ZAN: variants seen among roughly 807,000 people sequenced by gnomAD.
The protein encoded by ZAN is zonadhesin.
In ZAN, 260 loss-of-function variants were observed where a neutral mutation model predicts 286.2. The ratio of observed to expected loss-of-function variants is 0.91; its 90% CI spans 0.82 to 1.01. ZAN has a LOEUF of 1.01. Among genes scored for constraint, ZAN ranks in the 50% least tolerant of loss-of-function variants. ZAN has a pLI of 0.00. For missense variants in ZAN, 3,410 were observed against 3,639.2 expected (o/e 0.94, Z 1.62); for synonymous variants, 1,368 against 1,417.5 (o/e 0.97, Z 0.79).
At position 100,773,334 on chromosome 7, in the gene ZAN, C is replaced by A; in HGVS notation, c.5475C>A (p.Cys1825Ter). ...GCTACAGCCCCTGCAGCAGCCCCTGCCCAGACACCTGCAGCAGCATAAACA... is the reference window on the plus strand; with the variant it reads ...GCTACAGCCCCTGCAGCAGCCCCTGACCAGACACCTGCAGCAGCATAAACA... Reference protein sequence around the residue: ...GSSYSPCSSPCPDTCSSINNP... With the variant: ...GSSYSPCSSP Residue 1825 changes from cysteine to a stop codon, truncating the protein, a stop_gained, in exon 30 of 48, where the codon TGC becomes TGA. Coordinates refer to ENST00000613979, the MANE Select transcript of ZAN (RefSeq NM_003386.3). LOFTEE classifies it high-confidence loss of function. 1 of 1,613,994 alleles carries A rather than the reference C, an allele frequency of 6.2e-7. No homozygotes were observed. The highest frequency in any genetic ancestry group is 8.5e-7 in the Non-Finnish European group (1 of 1,179,908).
At chr7:100,748,522 G>C in intron 11 of ZAN, 52 bp downstream of exon 11, 1 of 1,563,058 alleles carries the variant, frequency 6.4e-7, no homozygotes, top group South Asian at 1.2e-5. Context: ...TCTGCTCCCA[G>C]GTAGCAGGCT....
chr7:100,761,600 C>T (rs1809584307), intron 19 of ZAN, among the ~76,000 whole-genome samples: 1 of 152,002 alleles, frequency 6.6e-6, no homozygotes, highest in African/African-American at 2.4e-5. Context: ...CACCACTGTG[C>T]TCCAGCCTGA....
chr7:100,744,818 T>C (rs1349905014), intron 7 of ZAN, among the ~76,000 whole-genome samples: 1 of 151,152 alleles, frequency 6.6e-6, no homozygotes, highest in East Asian at 1.9e-4. Context: ...TCTTCACCTT[T>C]CACTTCTTTT....
At chr7:100,733,924 TTCTC>T in intron 1 of ZAN, 99 bp from the exon 2 acceptor site, 1 of 348,608 alleles carries the variant, frequency 2.9e-6, no homozygotes, top group South Asian at 4.2e-5. Context: ...TTTTGTTTCT[TTCTC>T]TTTTTTTTTC....
intron 24 of ZAN, 44 bp downstream of exon 24, chr7:100,766,710 A>G (rs1395090608): frequency 2.6e-6 from 4 of 1,541,684 alleles, no homozygotes; most frequent in Non-Finnish European, 3.5e-6. Context: ...TGCCCAGGCA[A>G]CACCAGGCAA....
intron 3 of ZAN, among the ~76,000 whole-genome samples, chr7:100,736,034 G>T (rs74895811): frequency 0.042 from 5,869 of 141,128 alleles, 1,011 homozygotes; most frequent in African/African-American, 0.084. Flanking sequence ...TCTCTGCTCT[G>T]GGCCGGGTGC....
intron 45 of ZAN, among the ~76,000 whole-genome samples, chr7:100,797,132 T>C (rs115339594): frequency 0.023 from 3,428 of 152,072 alleles, 123 homozygotes; most frequent in African/African-American, 0.076. Flanking sequence ...AGAGCCAGAC[T>C]CTGTCTAAAA....
At chr7:100,744,009 G>A (rs751253798) in intron 7 of ZAN, among the ~76,000 whole-genome samples, 4 of 150,816 alleles carry the variant, frequency 2.7e-5, no homozygotes, top group Middle Eastern at 3.5e-3. Flanking sequence ...GAGCTGCCAC[G>A]CCCAGCCTAT....
chr7:100,795,178 C>A lies in ZAN; in HGVS notation c.8126-18C>A. Reference sequence around the variant, plus strand: ...TCCTCCCAGGGCCCCCCTCCCACAACCCTCTCTGTCCTTGCAGAAAGCCCG... The same window carrying A: ...TCCTCCCAGGGCCCCCCTCCCACAAACCTCTCTGTCCTTGCAGAAAGCCCG... On this transcript the variant is annotated intron_variant, in intron 44 of 47. Coordinates refer to ENST00000613979, the MANE Select transcript of ZAN (RefSeq NM_003386.3). The A allele has an allele frequency of 1.2e-6, 2 of 1,603,254 alleles. No homozygotes were observed. The highest frequency in any genetic ancestry group is 1.7e-6 in the Non-Finnish European group (2 of 1,174,958).
In ZAN at chr7:100,767,947, C is replaced by T. The variant is rs750271205; in HGVS notation, c.4977C>T (p.Asp1659=). The change falls in exon 26 of 48, where the codon GAC becomes GAT. Residue 1659 remains aspartate (D), a synonymous_variant. Transcript: ENST00000613979. ...ACTTTGGGCTCCAAGTTCGCTACGA[C>T]GGGAGCCACTTGGTGGAAGTGACAG... ...YTNFGLQVRY[D]GSHLVEVTVP... The T allele has an allele frequency of 3.3e-5, 53 of 1,613,794 alleles. No homozygotes were observed. Among genetic ancestry groups the T allele is most frequent in the Non-Finnish European group, 3.8e-5 (45 of 1,179,886 alleles).
Position 100,773,509 on chromosome 7 carries a change from G to A in ZAN, c.5634+16G>A. The A allele has an allele frequency of 6.2e-7, 1 of 1,612,050 alleles. No individual in the cohort carries two copies. The highest frequency in any genetic ancestry group is 8.5e-7 in the Non-Finnish European group (1 of 1,179,248). ...CTACCACCCGGTGAGAGGCCAGCTA[G>A]GAGGGGCCCCGCCCTTTCCAGGCCC... On this transcript the variant is annotated intron_variant, in intron 30 of 47. Coordinates refer to ENST00000613979, the MANE Select transcript of ZAN (RefSeq NM_003386.3).
intron 15 of ZAN, among the ~76,000 whole-genome samples, chr7:100,755,757 A>C (rs1809103047): frequency 6.6e-6 from 1 of 152,034 alleles, no homozygotes; most frequent in African/African-American, 2.4e-5. Context: ...TTTTTGGTAG[A>C]GACAGGGTTT....
intron 40 of ZAN, among the ~76,000 whole-genome samples, chr7:100,791,617 T>G (rs912207508): frequency 2.6e-5 from 4 of 152,058 alleles, no homozygotes; most frequent in Non-Finnish European, 4.4e-5. Context: ...ATGTTGGCCA[T>G]ACTGGTCTCG....
intron 41 of ZAN, 35 bp downstream of exon 41, chr7:100,792,183 C>T (rs781675471): frequency 7.0e-6 from 11 of 1,560,934 alleles, no homozygotes; most frequent in Non-Finnish European, 9.5e-6. Context: ...GGGAATGGCC[C>T]AGGTGCCTGC....
chr7:100,788,842 G>A (rs1434973210), intron 38 of ZAN, among the ~76,000 whole-genome samples: 1 of 152,116 alleles, frequency 6.6e-6, no homozygotes, highest in Non-Finnish European at 1.5e-5. Context: ...GGGACTACAG[G>A]TGTGCACCAC....
chr7:100,747,473 C>T (rs1490154188), intron 8 of ZAN, 77 bp from the exon 9 acceptor site: 5 of 1,224,316 alleles, frequency 4.1e-6, no homozygotes, highest in Admixed American at 1.7e-5. Context: ...CTCTGCTCCT[C>T]ATCCTCCTAG....
chr7:100,762,167 C>T (rs367569066), intron 19 of ZAN, 48 bp from the exon 20 acceptor site: 70 of 1,607,920 alleles, frequency 4.4e-5, no homozygotes, highest in African/African-American at 1.2e-4. Flanking sequence ...CCTCGAGGAC[C>T]GAGGCTGCTT....
intron 44 of ZAN, 65 bp from the exon 45 acceptor site, chr7:100,795,131 G>A (rs1044607602): frequency 5.0e-5 from 77 of 1,537,560 alleles, no homozygotes; most frequent in Middle Eastern, 2.2e-4. Context: ...CCCCCAGCCA[G>A]GCCTTCCCTC....
At chr7:100,783,783 T>TACACAC (rs1554409766) in intron 35 of ZAN, among the ~76,000 whole-genome samples, 275 of 20,450 alleles carry the variant, frequency 0.013, 53 homozygotes, top group Non-Finnish European at 0.022. Context: ...TATATATATA[T>TACACAC]ACACATATAT....
Sources: allele counts gnomAD v4.1 joint callset (sites outside exome capture counted in the v4.1 genomes callset), GRCh38; gene constraint gnomAD v4.1.1; transcripts MANE v1.5; gene names NCBI Gene and HGNC (gene_info 2026-07-23, HGNC 2026-07-21).